Variants in TMEM132D observed in about 807,000 individuals in gnomAD.
TMEM132D encodes the protein mature OL transmembrane protein.
Under a neutral mutation model 62.3 loss-of-function variants are expected in TMEM132D, and 21 were observed. That is an observed-to-expected ratio of 0.34 (90% confidence interval 0.24 to 0.49). The LOEUF is 0.49. TMEM132D is among the 20% of genes least tolerant of loss of function. The pLI, the probability that TMEM132D is intolerant of heterozygous loss-of-function variation, is 0.99. For synonymous variants in TMEM132D, 621 were observed against 575.6 expected (o/e 1.08, Z -1.13); for missense variants, 1,346 against 1,402.8 (o/e 0.96, Z 0.65).
intron 7 of TMEM132D, among the ~76,000 whole-genome samples, chr12:129,080,911 C>T (rs761950777): frequency 5.3e-5 from 8 of 152,112 alleles, no homozygotes; most frequent in Non-Finnish European, 1.0e-4. Flanking sequence ...CTCCGTCACC[C>T]GCTCCCCAGC....
chr12:129,104,305 T>G (rs1875414703), intron 5 of TMEM132D, among the ~76,000 whole-genome samples: 1 of 151,586 alleles, frequency 6.6e-6, no homozygotes, highest in African/African-American at 2.4e-5. Context: ...GATTCCCTAT[T>G]TAATAAATGG....
chr12:129,814,078 T>C (rs1292623563), intron 1 of TMEM132D, among the ~76,000 whole-genome samples: 8 of 152,182 alleles, frequency 5.3e-5, no homozygotes, highest in Admixed American at 2.0e-4. Context: ...AACTGGTCCC[T>C]ATGTTAAGTG....
At position 129,074,796 on chromosome 12, in the gene TMEM132D, G is replaced by C. The variant is rs1874198913; in HGVS notation, c.2379C>G (p.Ile793Met). 3 of 1,614,064 alleles carry C rather than the reference G, an allele frequency of 1.9e-6. No homozygotes were observed. The East Asian group carries it at 6.7e-5, about 36-fold the overall frequency. The change falls in exon 9 of 9, where the codon ATC becomes ATG. Residue 793 changes from isoleucine to methionine, a missense_variant. Transcript: ENST00000422113. Reference sequence around the variant, plus strand: ...CATCGTTTTGGCCAAATTTAACTTTGATGTTTGCCGTTCCAACAGCTAACA... The same window carrying C: ...CATCGTTTTGGCCAAATTTAACTTTCATGTTTGCCGTTCCAACAGCTAACA... ...KSVLAVGTAN[I>M]KVKFGQNDAN... is the part of the protein sequence containing the mutation.
At position 129,277,972 on chromosome 12, in the gene TMEM132D, A is replaced by G. The variant is rs1205320930; in HGVS notation, c.1299+59662T>C. Among the ~76,000 whole-genome samples the G allele has an allele frequency of 6.6e-6, 1 of 151,994 alleles. No individual in the cohort carries two copies. The highest frequency in any genetic ancestry group is 1.5e-5 in the Non-Finnish European group (1 of 68,018). ...GCCCACCTTTCTTTTGCAGTGAGAA[A>G]CTCCAAGCTTGAATGAGAGATCGGG... On this transcript the variant is annotated intron_variant, in intron 4 of 8. Transcript: ENST00000422113. This position sits in a 1 kb window ranked among gnomAD's most constrained non-coding sequence, Gnocchi z 4.2.
intron 3 of TMEM132D, among the ~76,000 whole-genome samples, chr12:129,424,463 G>A (rs1872428743): frequency 6.6e-6 from 1 of 152,004 alleles, no homozygotes; most frequent in African/African-American, 2.4e-5. Context: ...CATCTCGGGA[G>A]GCCGAGACGG....
chr12:129,534,359 G>T (rs1380784775), intron 2 of TMEM132D, among the ~76,000 whole-genome samples: 1 of 151,922 alleles, frequency 6.6e-6, no homozygotes, highest in Non-Finnish European at 1.5e-5. Flanking sequence ...CCTGCCTGGG[G>T]TTAAAGGTAT....
chr12:129,647,440 ATGTAGGAGAGCTTCTGGGTG>A (rs1266253307), intron 2 of TMEM132D, among the ~76,000 whole-genome samples: 1 of 152,106 alleles, frequency 6.6e-6, no homozygotes, highest in Non-Finnish European at 1.5e-5. Context: ...CTGACTTCAG[ATGTAGGAGAGCTTCTGGGTG>A]TGTGTCTAGC....
chr12:129,489,655 G>A (rs569802312), intron 3 of TMEM132D, among the ~76,000 whole-genome samples: 4 of 152,268 alleles, frequency 2.6e-5, no homozygotes, highest in Admixed American at 2.6e-4. Flanking sequence ...AATCATTATA[G>A]TAGAATGTAA....
intron 5 of TMEM132D, among the ~76,000 whole-genome samples, chr12:129,172,077 T>A (rs538407310): frequency 6.6e-6 from 1 of 152,252 alleles, no homozygotes; most frequent in African/African-American, 2.4e-5. Flanking sequence ...CCTTCCCCAA[T>A]GATATTAGCT....
chr12:129,392,150 C>T (rs968543092), intron 3 of TMEM132D, among the ~76,000 whole-genome samples: 7 of 152,128 alleles, frequency 4.6e-5, no homozygotes, highest in African/African-American at 1.4e-4. Context: ...CTCTGCCTCC[C>T]GGGTTCAAGT....
chr12:129,209,617 G>A lies in TMEM132D; in HGVS notation c.1346C>T (p.Ala449Val), dbSNP rs146364034. The change falls in exon 5 of 9, where the codon GCC becomes GTC. Residue 449 changes from alanine (A) to valine (V), a missense_variant. By Grantham distance (64) the Ala-to-Val change is moderately conservative (BLOSUM62 0). Transcript: ENST00000422113. ...NTAILTGKTV[A>V]VPVKVVSVED... The stretch of plus-strand genomic sequence containing the variant: ...CACGGAGACCACTTTCACCGGGACG[G>A]CCACCGTCTTCCCCGTGAGGATGGC... 90 of 1,614,060 alleles carry A rather than the reference G, an allele frequency of 5.6e-5. No individual in the cohort carries two copies. The highest frequency in any genetic ancestry group is 7.5e-5 in the Non-Finnish European group (88 of 1,180,034).
chr12:129,221,316 A>G (rs73163151), intron 4 of TMEM132D, among the ~76,000 whole-genome samples: 18,072 of 152,226 alleles, frequency 0.12, 1,157 homozygotes, highest in Middle Eastern at 0.15. Flanking sequence ...CCCACACAGG[A>G]CATACAGCAG....
At chr12:129,320,288 T>G (rs1385293724) in intron 4 of TMEM132D, among the ~76,000 whole-genome samples, 2 of 152,178 alleles carry the variant, frequency 1.3e-5, no homozygotes, top group Non-Finnish European at 2.9e-5. Flanking sequence ...GAAAAGAAGA[T>G]AAACCATCAT....
intron 4 of TMEM132D, among the ~76,000 whole-genome samples, chr12:129,320,995 T>C (rs1262961861): frequency 1.3e-5 from 2 of 152,228 alleles, no homozygotes; most frequent in East Asian, 3.9e-4. Context: ...CCTACCTACC[T>C]ACCTGTCATC....
intron 2 of TMEM132D, among the ~76,000 whole-genome samples, chr12:129,559,269 G>C (rs756292245): frequency 4.6e-5 from 7 of 152,148 alleles, no homozygotes; most frequent in South Asian, 2.1e-4. Context: ...ATCAATTTTA[G>C]GAAAGAGAAT....
At chr12:129,155,138 G>A (rs550147967) in intron 5 of TMEM132D, among the ~76,000 whole-genome samples, 39 of 152,206 alleles carry the variant, frequency 2.6e-4, no homozygotes, top group Non-Finnish European at 5.4e-4. Context: ...AGAATGCACA[G>A]ATGCCAGTAA....
At chr12:129,449,807 G>A (rs1276210169) in intron 3 of TMEM132D, among the ~76,000 whole-genome samples, 3 of 152,168 alleles carry the variant, frequency 2.0e-5, no homozygotes, top group South Asian at 2.1e-4. Flanking sequence ...CAGCAACCCC[G>A]ACTCCCCAGA....
intron 3 of TMEM132D, among the ~76,000 whole-genome samples, chr12:129,528,422 T>C (rs1876116742): frequency 9.0e-6 from 1 of 111,294 alleles, no homozygotes; most frequent in Non-Finnish European, 1.8e-5. Flanking sequence ...AGGTAATACA[T>C]GCACACAGCA....
chr12:129,537,788 C>T (rs375874830), intron 2 of TMEM132D, among the ~76,000 whole-genome samples: 4 of 152,138 alleles, frequency 2.6e-5, no homozygotes, highest in East Asian at 3.9e-4. Flanking sequence ...GCCAAGAATG[C>T]GGAAGCATGG....
Sources: gnomAD v4.1 joint callset for allele counts (sites outside exome capture counted in the v4.1 genomes callset) on GRCh38, gnomAD v4.1.1 for gene constraint, Gnocchi (gnomAD v3.1) non-coding constraint, MANE v1.5 for transcripts, NCBI Gene and HGNC (gene_info 2026-07-23, HGNC 2026-07-21) for gene names.